The following ALKBH8 variants were observed in gnomAD, a reference collection of about 807,000 sequenced individuals.
ALKBH8 encodes the protein tRNA (carboxymethyluridine(34)-5-O)-methyltransferase ALKBH8.
ALKBH8 carries 36 observed loss-of-function variants against 59.8 expected under a neutral mutation model. The observed-to-expected ratio is 0.60, with a 90% CI of 0.46 to 0.79. The LOEUF (loss-of-function observed/expected upper bound fraction) is 0.79, where lower values mean the gene tolerates loss of function less well. Among genes scored for constraint, ALKBH8 ranks in the 30% least tolerant of loss-of-function variants. The pLI is 0.00. For missense variants in ALKBH8, 768 were observed against 801.0 expected, an observed-to-expected ratio of 0.96 and a Z score of 0.50; for synonymous variants, 276 against 273.6, an observed-to-expected ratio of 1.01 and a Z score of -0.09.
At chr11:107,538,528 A>G (rs919086495) in intron 7 of ALKBH8, among the ~76,000 whole-genome samples, 1 of 152,226 alleles carries the variant, frequency 6.6e-6, no homozygotes, top group Non-Finnish European at 1.5e-5. Context: ...GGCAGAGTCA[A>G]TAAAGATCAA....
chr11:107,528,488 T>C (rs1863444410), intron 8 of ALKBH8, among the ~76,000 whole-genome samples: 1 of 152,220 alleles, frequency 6.6e-6, no homozygotes, highest in African/African-American at 2.4e-5. Flanking sequence ...TTACTTTTGT[T>C]CTAAGAGCTA....
rs186793828 is a variant in ALKBH8, at chr11:107,511,099, A to G, written c.1288-63T>C. 3.9e-5 allele frequency: 58 copies of G among 1,496,576 alleles called. No homozygotes were observed. In the East Asian group the frequency reaches 7.4e-4, roughly 19 times the overall value. 92.7% of individuals were successfully genotyped at this position (1,496,576 alleles called of 1,614,324 possible). A position where few individuals can be genotyped will look rare whatever the true frequency, so the allele number is the denominator to read the frequency against. ...ATTTCACATGAAATTAAGAACTATGAACTTATTCCATACCTTAAAGTCATT... is the reference window on the plus strand; with the variant it reads ...ATTTCACATGAAATTAAGAACTATGGACTTATTCCATACCTTAAAGTCATT... On this transcript the variant is annotated intron_variant, in intron 10 of 11. Transcript: ENST00000428149.
intron 7 of ALKBH8, among the ~76,000 whole-genome samples, chr11:107,545,591 C>T (rs1007684644): frequency 1.3e-5 from 2 of 152,246 alleles, no homozygotes; most frequent in East Asian, 1.9e-4. Context: ...ATTATCCCCA[C>T]CCACTGAGTT....
chr11:107,508,173 C>CT (rs34261151), intron 11 of ALKBH8, among the ~76,000 whole-genome samples: 4,068 of 134,300 alleles, frequency 0.03, 91 homozygotes, highest in Non-Finnish European at 0.041. Context: ...TTTTCAATGC[C>CT]TTTTTTTTTT....
intron 7 of ALKBH8, among the ~76,000 whole-genome samples, chr11:107,547,363 C>T (rs1488824283): frequency 6.6e-6 from 1 of 152,168 alleles, no homozygotes; most frequent in Admixed American, 6.5e-5. Context: ...CTCTCATGAC[C>T]ACTTGAAATC....
At chr11:107,534,838 G>A (rs1207438037) in intron 7 of ALKBH8, among the ~76,000 whole-genome samples, 1 of 151,266 alleles carries the variant, frequency 6.6e-6, no homozygotes, top group Non-Finnish European at 1.5e-5. Context: ...TGATTTCTGA[G>A]ATTTTTGGTG....
chr11:107,541,209 T>C (rs1370318719), intron 7 of ALKBH8, among the ~76,000 whole-genome samples: 3 of 152,220 alleles, frequency 2.0e-5, no homozygotes, highest in Admixed American at 6.5e-5. Context: ...GTAGTGCTGA[T>C]GGTCAAAGGA....
At chr11:107,520,784 C>T (rs1017666099) in intron 10 of ALKBH8, among the ~76,000 whole-genome samples, 5 of 152,156 alleles carry the variant, frequency 3.3e-5, no homozygotes, top group Non-Finnish European at 5.9e-5. Flanking sequence ...TTCTTTTATC[C>T]GCCTCTTAAT....
chr11:107,526,115 T>G (rs1425561954), intron 8 of ALKBH8, among the ~76,000 whole-genome samples: 4 of 152,044 alleles, frequency 2.6e-5, no homozygotes, highest in African/African-American at 9.7e-5. Context: ...CTTGGGTAAC[T>G]ACCTAGGAGT....
chr11:107,547,806 T>C (rs887296034), intron 7 of ALKBH8, among the ~76,000 whole-genome samples: 2 of 152,226 alleles, frequency 1.3e-5, no homozygotes, highest in Non-Finnish European at 2.9e-5. Context: ...ATTACAAAGA[T>C]GGCTTTAACC....
intron 7 of ALKBH8, among the ~76,000 whole-genome samples, chr11:107,545,856 A>G (rs1864228285): frequency 6.6e-6 from 1 of 152,224 alleles, no homozygotes; most frequent in African/African-American, 2.4e-5. Flanking sequence ...TCAGAGGACC[A>G]TTTAAATCAC....
At chr11:107,523,872 G>A (rs1863238911) in intron 9 of ALKBH8, among the ~76,000 whole-genome samples, 1 of 151,918 alleles carries the variant, frequency 6.6e-6, no homozygotes. Context: ...AAAGTGCTGG[G>A]ATTACAGGTG....
At chr11:107,507,356 G>A (rs776402602) in intron 11 of ALKBH8, among the ~76,000 whole-genome samples, 11 of 152,144 alleles carry the variant, frequency 7.2e-5, no homozygotes, top group Non-Finnish European at 1.2e-4. Flanking sequence ...ATAGGAGGAA[G>A]CATCTTCAGC....
chr11:107,517,559 C>T (rs1473240835), intron 10 of ALKBH8, among the ~76,000 whole-genome samples: 1 of 152,052 alleles, frequency 6.6e-6, no homozygotes, highest in African/African-American at 2.4e-5. Flanking sequence ...GGTATATATA[C>T]CCAATGAATG....
intron 9 of ALKBH8, 58 bp from the exon 10 acceptor site, chr11:107,522,613 A>G: frequency 6.8e-7 from 1 of 1,471,680 alleles, no homozygotes; most frequent in Non-Finnish European, 9.0e-7. Flanking sequence ...ATAAGGTATC[A>G]AGTTTTCTTA....
intron 7 of ALKBH8, among the ~76,000 whole-genome samples, chr11:107,548,059 T>G (rs191381877): frequency 7.9e-5 from 12 of 152,298 alleles, no homozygotes; most frequent in Non-Finnish European, 5.9e-5. Flanking sequence ...ACACTCCTAG[T>G]TTTTTTCCAC....
intron 10 of ALKBH8, 60 bp downstream of exon 10, chr11:107,522,239 A>G: frequency 6.6e-7 from 1 of 1,519,116 alleles, no homozygotes. Context: ...CATGAGGAAG[A>G]AAGATGATGA....
At chr11:107,517,923 A>G (rs1226248441) in intron 10 of ALKBH8, among the ~76,000 whole-genome samples, 1 of 152,224 alleles carries the variant, frequency 6.6e-6, no homozygotes, top group Non-Finnish European at 1.5e-5. Context: ...TCTCCCCACA[A>G]AACGGTAACT....
intron 10 of ALKBH8, among the ~76,000 whole-genome samples, chr11:107,517,480 A>G (rs1862913689): frequency 6.6e-6 from 1 of 152,228 alleles, no homozygotes; most frequent in Non-Finnish European, 1.5e-5. Flanking sequence ...GTTTACTGCA[A>G]CATTATATAC....
Sources: gnomAD v4.1 joint callset for allele counts (sites outside exome capture counted in the v4.1 genomes callset) on GRCh38, gnomAD v4.1.1 for gene constraint, MANE v1.5 for transcripts, NCBI Gene and HGNC (gene_info 2026-07-23, HGNC 2026-07-21) for gene names.